The following DPP10 variants were observed in gnomAD, a reference collection of about 807,000 sequenced individuals.
DPP10 encodes dipeptidyl peptidase like 10, also known as inactive dipeptidyl peptidase 10.
DPP10 carries 33 observed loss-of-function variants against 120.9 expected under a neutral mutation model. That is an observed-to-expected ratio of 0.27 (90% CI 0.21 to 0.37). DPP10 has a LOEUF of 0.37. Ranked by LOEUF, DPP10 falls within the 10% of genes least tolerant of loss-of-function variation. The probability of loss-of-function intolerance (pLI) is 1.00; values close to 1 mark genes in which losing one functional copy is unlikely to be tolerated. For missense variants in DPP10, 816 were observed against 942.8 expected (o/e 0.87, Z 1.76); for synonymous variants, 337 against 326.1 (o/e 1.03, Z -0.36).
chr2:115,319,339 T>C (rs1407631428), intron 2 of DPP10, among the ~76,000 whole-genome samples: 1 of 152,174 alleles, frequency 6.6e-6, no homozygotes, highest in Non-Finnish European at 1.5e-5. Context: ...ATAAGAGATA[T>C]TGATCTGTTG....
chr2:114,673,905 G>A (rs573767184), intron 1 of DPP10, among the ~76,000 whole-genome samples: 5 of 151,806 alleles, frequency 3.3e-5, no homozygotes, highest in Admixed American at 6.6e-5. Flanking sequence ...ATGGATACTC[G>A]AACCTGAATT....
intron 1 of DPP10, among the ~76,000 whole-genome samples, chr2:114,479,577 T>G (rs1451137422): frequency 1.3e-5 from 2 of 152,180 alleles, no homozygotes; most frequent in Admixed American, 6.5e-5. Flanking sequence ...TACAACTATC[T>G]GATCTTTGAC....
intron 1 of DPP10, among the ~76,000 whole-genome samples, chr2:115,251,840 T>C (rs1025149347): frequency 6.6e-6 from 1 of 152,218 alleles, no homozygotes; most frequent in African/African-American, 2.4e-5. Flanking sequence ...TAAAATATTC[T>C]AAGTTATTTC....
chr2:114,795,747 G>A (rs1001036800), intron 1 of DPP10, among the ~76,000 whole-genome samples: 2 of 152,072 alleles, frequency 1.3e-5, no homozygotes, highest in Admixed American at 1.3e-4. Flanking sequence ...ATAGGAAGAA[G>A]TTAGGTATGT....
intron 1 of DPP10, among the ~76,000 whole-genome samples, chr2:115,211,871 A>G (rs1233171174): frequency 6.6e-6 from 1 of 152,112 alleles, no homozygotes; most frequent in Admixed American, 6.6e-5. Flanking sequence ...TTGTTTTCCT[A>G]TTCATTATTT....
chr2:115,476,083 T>G (rs1007574251), intron 3 of DPP10, among the ~76,000 whole-genome samples: 12 of 152,164 alleles, frequency 7.9e-5, no homozygotes, highest in African/African-American at 2.9e-4. Context: ...AAGAGAGCCA[T>G]GAGATTTGGA....
chr2:115,714,884 G>C (rs1383410574), intron 7 of DPP10, among the ~76,000 whole-genome samples: 1 of 152,028 alleles, frequency 6.6e-6, no homozygotes, highest in Non-Finnish European at 1.5e-5. Flanking sequence ...ACAAAAATTA[G>C]CCAGGCATGG....
intron 1 of DPP10, among the ~76,000 whole-genome samples, chr2:115,170,411 T>C (rs1049011529): frequency 1.3e-5 from 2 of 152,134 alleles, no homozygotes; most frequent in Non-Finnish European, 2.9e-5. Context: ...GAGGTAAAAA[T>C]ATATCTTTTT....
In DPP10 at chr2:114,782,493, G is replaced by A. The variant is rs189118200; in HGVS notation, c.60+339655G>A. On this transcript the variant is annotated intron_variant, in intron 1 of 25. Coordinates refer to ENST00000410059, the MANE Select transcript of DPP10 (RefSeq NM_020868.6). ...TTCTAATTTATACAAACTATCATGG[G>A]TTTATAGCATCTGAAGGCACCCATT... Among the ~76,000 whole-genome samples, 475 of 152,042 alleles carry A rather than the reference G, an allele frequency of 3.1e-3. 11 individuals are homozygous for A. Among genetic ancestry groups the A allele is most frequent in the Admixed American group, 0.012 (182 of 15,246 alleles).
At chr2:115,245,892 G>A (rs1339862049) in intron 1 of DPP10, among the ~76,000 whole-genome samples, 1 of 151,752 alleles carries the variant, frequency 6.6e-6, no homozygotes, top group Non-Finnish European at 1.5e-5. Context: ...TTAAATTCTG[G>A]GCCAAAAAAT....
chr2:115,842,560 G>T lies in DPP10; in HGVS notation c.*215G>T. 2.4e-6 allele frequency: 1 copy of T among 421,506 alleles called. No individual in the cohort carries two copies. Among genetic ancestry groups the T allele is most frequent in the Non-Finnish European group, 4.0e-6 (1 of 250,742 alleles). 26.1% of individuals were successfully genotyped at this position (421,506 alleles called of 1,614,324 possible). On this transcript the variant is annotated 3_prime_UTR_variant, in exon 26 of 26. Coordinates refer to ENST00000410059, the MANE Select transcript of DPP10 (RefSeq NM_020868.6). ...AGAACCCGTTTCTTTGTATGAGAGA[G>T]GTCAAAGGGTTGGTTTCCTGGGAGA... is the stretch of plus-strand genomic sequence containing the variant.
At chr2:114,917,434 A>C (rs1694886991) in intron 1 of DPP10, among the ~76,000 whole-genome samples, 2 of 152,176 alleles carry the variant, frequency 1.3e-5, no homozygotes, top group Non-Finnish European at 2.9e-5. Context: ...TCAAACTACC[A>C]ATGTCATTTT....
chr2:115,580,519 A>G (rs2081949329), intron 5 of DPP10, among the ~76,000 whole-genome samples: 1 of 151,992 alleles, frequency 6.6e-6, no homozygotes, highest in Non-Finnish European at 1.5e-5. Flanking sequence ...TGTGACAGTA[A>G]TTCTTCCTAT....
chr2:115,094,213 G>A (rs191707411), intron 1 of DPP10, among the ~76,000 whole-genome samples: 16 of 152,206 alleles, frequency 1.1e-4, no homozygotes, highest in African/African-American at 2.6e-4. Flanking sequence ...AATCGAGAAC[G>A]TGTCATTTAA....
At chr2:115,292,262 A>T (rs565151811) in intron 1 of DPP10, among the ~76,000 whole-genome samples, 1 of 152,244 alleles carries the variant, frequency 6.6e-6, no homozygotes, top group South Asian at 2.1e-4. Context: ...ATAACTACAT[A>T]TAAAACCAAT....
chr2:114,659,983 C>T (rs531597887), intron 1 of DPP10, among the ~76,000 whole-genome samples: 52 of 152,278 alleles, frequency 3.4e-4, no homozygotes, highest in African/African-American at 1.2e-3. Flanking sequence ...AGAGCATGGC[C>T]ATCAACACCT....
intron 1 of DPP10, among the ~76,000 whole-genome samples, chr2:115,251,534 G>GTACAGTCCACA (rs2058751741): frequency 6.6e-6 from 1 of 151,962 alleles, no homozygotes; most frequent in Admixed American, 6.6e-5. Flanking sequence ...CCTGTCTATA[G>GTACAGTCCACA]GACCTACGTA....
chr2:114,676,212 A>G (rs190599684), intron 1 of DPP10, among the ~76,000 whole-genome samples: 1 of 152,190 alleles, frequency 6.6e-6, no homozygotes, highest in Admixed American at 6.6e-5. Flanking sequence ...ACAATTTGAG[A>G]CAATGCTGAT....
chr2:114,689,352 A>G (rs1165663811), intron 1 of DPP10, among the ~76,000 whole-genome samples: 1 of 151,788 alleles, frequency 6.6e-6, no homozygotes, highest in Non-Finnish European at 1.5e-5. Context: ...CTGTTCCTGC[A>G]TTAGTTTGCT....
Sources: allele counts gnomAD v4.1 joint callset (sites outside exome capture counted in the v4.1 genomes callset), GRCh38; gene constraint gnomAD v4.1.1; transcripts MANE v1.5; gene names NCBI Gene and HGNC (gene_info 2026-07-23, HGNC 2026-07-21).